The following PGM2L1 variants were observed in gnomAD, a reference collection of about 807,000 sequenced individuals.
PGM2L1 encodes phosphoglucomutase 2 like 1.
A neutral mutation model predicts 73.4 loss-of-function variants in PGM2L1; 35 were observed. The ratio of observed to expected loss-of-function variants is 0.48; its 90% CI spans 0.36 to 0.63. The LOEUF (loss-of-function observed/expected upper bound fraction) is 0.63, where lower values mean the gene tolerates loss of function less well. Among genes scored for constraint, PGM2L1 ranks in the 30% least tolerant of loss-of-function variants. The pLI is 0.00. For synonymous variants in PGM2L1, 225 were observed against 253.8 expected (o/e 0.89, Z 1.08); for missense variants, 570 against 742.0 (o/e 0.77, Z 2.69).
chr11:74,345,916 CCTTT>C (rs1374233839), intron 8 of PGM2L1, among the ~76,000 whole-genome samples: 4 of 152,014 alleles, frequency 2.6e-5, no homozygotes, highest in South Asian at 4.2e-4. Context: ...AATAATTAAG[CCTTT>C]CTATTTAAGG....
At chr11:74,371,014 CT>C (rs758523374) in intron 3 of PGM2L1, 28 bp from the exon 4 acceptor site, 4 of 1,573,044 alleles carry the variant, frequency 2.5e-6, no homozygotes, top group Non-Finnish European at 3.5e-6. Context: ...TAACTTAGTC[CT>C]TTGCCTACCA....
chr11:74,363,474 C>A (rs1591179810), intron 5 of PGM2L1, among the ~76,000 whole-genome samples: 2 of 151,888 alleles, frequency 1.3e-5, no homozygotes, highest in East Asian at 3.9e-4. Context: ...AGACCGCTAG[C>A]AAGACTAATA....
At chr11:74,345,963 A>G (rs1219965481) in intron 8 of PGM2L1, among the ~76,000 whole-genome samples, 1 of 152,120 alleles carries the variant, frequency 6.6e-6, no homozygotes, top group African/African-American at 2.4e-5. Context: ...AAAAATACAT[A>G]GCAGCCCAGA....
chr11:74,348,487 T>C (rs1227257306), intron 6 of PGM2L1, among the ~76,000 whole-genome samples: 1 of 152,208 alleles, frequency 6.6e-6, no homozygotes, highest in Non-Finnish European at 1.5e-5. Context: ...GAAAATGCTT[T>C]AGTATTTAGA....
chr11:74,346,114 A>T (rs1862259237), intron 8 of PGM2L1, among the ~76,000 whole-genome samples: 1 of 151,802 alleles, frequency 6.6e-6, no homozygotes, highest in Admixed American at 6.6e-5. Flanking sequence ...AAAATACAAA[A>T]TTAGCCAGGC....
At chr11:74,357,971 C>CT (rs778146431) in intron 5 of PGM2L1, among the ~76,000 whole-genome samples, 3 of 152,100 alleles carry the variant, frequency 2.0e-5, no homozygotes, top group Non-Finnish European at 2.9e-5. Context: ...AAAGGCAAAA[C>CT]TATGGAGACA....
At chr11:74,359,548 T>C (rs889778772) in intron 5 of PGM2L1, among the ~76,000 whole-genome samples, 3 of 139,670 alleles carry the variant, frequency 2.1e-5, no homozygotes, top group Admixed American at 1.5e-4. Flanking sequence ...TATGTGTGTA[T>C]ATATACACGT....
chr11:74,336,849 C>T (rs1455892855), intron 13 of PGM2L1, 95 bp from the exon 14 acceptor site: 4 of 715,914 alleles, frequency 5.6e-6, no homozygotes, highest in Non-Finnish European at 6.4e-6. Flanking sequence ...CTGATGGAGT[C>T]ATTAAACAAT....
intron 3 of PGM2L1, among the ~76,000 whole-genome samples, 164 bp from the exon 4 acceptor site, chr11:74,371,150 A>G (rs1409770992): frequency 1.3e-5 from 2 of 152,204 alleles, no homozygotes; most frequent in Non-Finnish European, 2.9e-5. Context: ...TAATTGGAAA[A>G]TTTTAAATAA....
At chr11:74,342,750 G>A in intron 11 of PGM2L1, 100 bp from the exon 12 acceptor site, 1 of 1,360,170 alleles carries the variant, frequency 7.4e-7, no homozygotes, top group Non-Finnish European at 9.9e-7. Context: ...TATACAAAGT[G>A]GCAGTCCTTA....
chr11:74,362,489 C>T (rs1025270171), intron 5 of PGM2L1, among the ~76,000 whole-genome samples: 24 of 152,258 alleles, frequency 1.6e-4, no homozygotes, highest in African/African-American at 3.9e-4. Context: ...CATCAACTAA[C>T]GAGCAAAATA....
Position 74,335,126 on chromosome 11 carries a change from CT to C in PGM2L1, c.*1525del, listed in dbSNP as rs531316190. 2.4e-3 allele frequency: 336 copies of C among 142,484 alleles called. No individual in the cohort carries two copies. The highest frequency in any genetic ancestry group is 3.6e-3 in the Middle Eastern group (1 of 280). 8.8% of individuals were successfully genotyped at this position (142,484 alleles called of 1,614,324 possible). A position where few individuals can be genotyped will look rare whatever the true frequency, so the allele number is the denominator to read the frequency against. ...AGACTGCATGATTAGCCAAAAGTGA[CT>C]TTTTTTTTTTTTGAGATGGAGTCTC... On this transcript the variant is annotated 3_prime_UTR_variant, in exon 14 of 14. Transcript: ENST00000298198.
At position 74,346,728 on chromosome 11, in the gene PGM2L1, A is replaced by G. The variant is rs1862272305; in HGVS notation, c.1037+4T>C. 5 of 1,608,550 alleles carry G rather than the reference A, an allele frequency of 3.1e-6. No individual in the cohort carries two copies. Among genetic ancestry groups the G allele is most frequent in the Middle Eastern group, 1.6e-4 (1 of 6,076 alleles). ...CTTTTAATCAAATAACAGATTCTAC[A>G]TACTTCTCCTGAAGTTCTGCTGCTG... is the stretch of plus-strand genomic sequence containing the variant. On this transcript the variant is annotated splice_donor_region_variant and intron_variant, in intron 8 of 13. Coordinates refer to ENST00000298198, the MANE Select transcript of PGM2L1 (RefSeq NM_173582.6).
chr11:74,373,772 A>C (rs1008726105), intron 2 of PGM2L1, among the ~76,000 whole-genome samples: 6 of 152,154 alleles, frequency 3.9e-5, no homozygotes, highest in African/African-American at 1.4e-4. Context: ...ATTTTCTTCT[A>C]TCTAAGTTTG....
chr11:74,344,992 A>T (rs1862240378), intron 9 of PGM2L1, among the ~76,000 whole-genome samples: 1 of 152,194 alleles, frequency 6.6e-6, no homozygotes, highest in Non-Finnish European at 1.5e-5. Flanking sequence ...TTAAGGTCAT[A>T]AGGTTAATGA....
Position 74,331,960 on chromosome 11 carries a change from T to C in PGM2L1, c.*4692A>G, listed in dbSNP as rs1862022517. 6.6e-6 allele frequency: 1 copy of C among 152,204 alleles called. No homozygotes were observed. Among genetic ancestry groups the C allele is most frequent in the Non-Finnish European group, 1.5e-5 (1 of 68,040 alleles). 9.4% of individuals were successfully genotyped at this position (152,204 alleles called of 1,614,324 possible). On this transcript the variant is annotated 3_prime_UTR_variant, in exon 14 of 14. Transcript: ENST00000298198. ...TTATAGGTTCTCTTTTATAAGTACA[T>C]AGTCTTGAATAAACAAAGAGGAAAG...
intron 12 of PGM2L1, 55 bp from the exon 13 acceptor site, chr11:74,338,656 T>C (rs1416141988): frequency 2.0e-6 from 3 of 1,518,242 alleles, no homozygotes. Flanking sequence ...TTCATTTTCT[T>C]TCATTTTCAA....
chr11:74,333,531 A>G lies in PGM2L1; in HGVS notation c.*3121T>C, dbSNP rs1336294124. Reference sequence around the variant, plus strand: ...GCTCTACCTCTTCCTGAGTTCTCACATGATTCTGATACAACATCCTAGCAG... The same window carrying G: ...GCTCTACCTCTTCCTGAGTTCTCACGTGATTCTGATACAACATCCTAGCAG... On this transcript the variant is annotated 3_prime_UTR_variant, in exon 14 of 14. Transcript: ENST00000298198. 3 of 152,152 alleles carry G rather than the reference A, an allele frequency of 2.0e-5. No homozygotes were observed. The South Asian group carries it at 6.2e-4, about 32-fold the overall frequency. 9.4% of individuals were successfully genotyped at this position (152,152 alleles called of 1,614,324 possible).
chr11:74,369,153 A>G (rs1429297630), intron 4 of PGM2L1, among the ~76,000 whole-genome samples: 2 of 152,182 alleles, frequency 1.3e-5, no homozygotes, highest in Non-Finnish European at 2.9e-5. Flanking sequence ...ATGAGTGATC[A>G]ATCATATCAC....
Sources: allele counts gnomAD v4.1 joint callset (sites outside exome capture counted in the v4.1 genomes callset), GRCh38; gene constraint gnomAD v4.1.1; transcripts MANE v1.5; gene names NCBI Gene and HGNC (gene_info 2026-07-23, HGNC 2026-07-21).